Variants in EIF2AK4 observed in about 807,000 individuals in gnomAD.
EIF2AK4 encodes eukaryotic translation initiation factor 2 alpha kinase 4.
In EIF2AK4, 139 loss-of-function variants were observed where a neutral mutation model predicts 211.1. That is an observed-to-expected ratio of 0.66 (90% CI 0.57 to 0.76). The LOEUF (loss-of-function observed/expected upper bound fraction) is 0.76. Among genes scored for constraint, EIF2AK4 ranks in the 30% least tolerant of loss-of-function variants. The pLI, the probability that EIF2AK4 is intolerant of heterozygous loss-of-function variation, is 0.00. For missense variants in EIF2AK4, 1,664 were observed against 2,043.8 expected, an observed-to-expected ratio of 0.81 and a Z score of 3.58; for synonymous variants, 710 against 751.3, an observed-to-expected ratio of 0.94 and a Z score of 0.90.
rs186392666 is a variant in EIF2AK4 at position 40,016,639 on chromosome 15, T to G, written c.3897T>G (p.Val1299=). The G allele has an allele frequency of 6.2e-7, 1 of 1,614,222 alleles. No individual in the cohort carries two copies. Among genetic ancestry groups the G allele is most frequent in the East Asian group, 2.2e-5 (1 of 44,890 alleles). ...KYGLKDLEEV[V]GLLKKLGIKL... ...GCTTAAAAGACCTAGAGGAGGTTGTTGGACTGTTGAAGAAACTCGGCATCA... is the reference window on the plus strand; with the variant it reads ...GCTTAAAAGACCTAGAGGAGGTTGTGGGACTGTTGAAGAAACTCGGCATCA... Residue 1299 remains valine (V), a synonymous_variant, in exon 28 of 39, where the codon GTT becomes GTG. Coordinates refer to ENST00000263791, the MANE Select transcript of EIF2AK4 (RefSeq NM_001013703.4).
At chr15:39,989,457 A>G (rs2034912344) in intron 15 of EIF2AK4, among the ~76,000 whole-genome samples, 2 of 152,226 alleles carry the variant, frequency 1.3e-5, no homozygotes, top group African/African-American at 4.8e-5. Context: ...AATGAGGGCC[A>G]TTTAAGCTGT....
chr15:39,978,069 C>A lies in EIF2AK4; in HGVS notation c.2250-9C>A. On this transcript the variant is annotated splice_polypyrimidine_tract_variant and intron_variant, in intron 12 of 38. Coordinates refer to ENST00000263791, the MANE Select transcript of EIF2AK4 (RefSeq NM_001013703.4). ...CTGTTCCTTTAGTATTTCTGTTTCC[C>A]TTTTTCAGGCCTGCTTCAGATTCTG... 6.3e-7 allele frequency: 1 copy of A among 1,588,962 alleles called. No homozygotes were observed. Among genetic ancestry groups the A allele is most frequent in the Non-Finnish European group, 8.6e-7 (1 of 1,164,202 alleles).
intron 9 of EIF2AK4, among the ~76,000 whole-genome samples, chr15:39,969,658 C>T (rs2034597132): frequency 6.6e-6 from 1 of 152,194 alleles, no homozygotes; most frequent in Non-Finnish European, 1.5e-5. Context: ...TAGCGCATGG[C>T]CTTCTTATTC....
rs187375243 is a variant in EIF2AK4, at chr15:39,984,836, C to G, written c.2320-969C>G. On this transcript the variant is annotated intron_variant, in intron 13 of 38. Coordinates refer to ENST00000263791, the MANE Select transcript of EIF2AK4 (RefSeq NM_001013703.4). ...ACTTCCTCTCTTTCTATTTTAATAC[C>G]CTTTATTTCTTTCTCTTGCCTGATT... Among the ~76,000 whole-genome samples the G allele has an allele frequency of 8.2e-4, 125 of 152,218 alleles. 1 individual carries two copies. The highest frequency in any genetic ancestry group is 3.0e-3 in the African/African-American group (124 of 41,530).
rs1274074024 is a variant in EIF2AK4 at position 40,035,264 on chromosome 15, G to GT, written c.*183dup. On this transcript the variant is annotated 3_prime_UTR_variant, in exon 39 of 39. Coordinates refer to ENST00000263791, the MANE Select transcript of EIF2AK4 (RefSeq NM_001013703.4). Reference sequence around the variant, plus strand: ...GCAGGAAGACTGCTTGAAACCAGGAGTTTGAGACCAGCCTGAGCAACAAAG... The same window carrying GT: ...GCAGGAAGACTGCTTGAAACCAGGAGTTTTGAGACCAGCCTGAGCAACAAAG... The GT allele has an allele frequency of 3.0e-5, 12 of 405,662 alleles. No homozygotes were observed. The highest frequency in any genetic ancestry group is 4.3e-5 in the Non-Finnish European group (10 of 231,690). 25.1% of individuals were successfully genotyped at this position (405,662 alleles called of 1,614,324 possible). A position where few individuals can be genotyped will look rare whatever the true frequency, so the allele number is the denominator to read the frequency against.
In EIF2AK4 at chr15:39,976,505, T is replaced by A; in HGVS notation, c.1910T>A (p.Val637Glu). 6.2e-7 allele frequency: 1 copy of A among 1,612,484 alleles called. No homozygotes were observed. The highest frequency in any genetic ancestry group is 1.3e-5 in the African/African-American group (1 of 74,836). The change falls in exon 12 of 39, where the codon GTG becomes GAG. Residue 637 changes from valine to glutamate, a missense_variant. Coordinates refer to ENST00000263791, the MANE Select transcript of EIF2AK4 (RefSeq NM_001013703.4). ...SRQFRRIKGE[V>E]TLLSRLHHEN... ...CAGTTCCGCAGGATCAAGGGCGAAG[T>A]GACACTGCTGTCACGGCTGCACCAT...
chr15:40,028,045 T>G (rs2035488230), intron 33 of EIF2AK4, among the ~76,000 whole-genome samples: 1 of 151,822 alleles, frequency 6.6e-6, no homozygotes. Context: ...GATCTTAAAT[T>G]ACTTTGTTAA....
At chr15:39,981,981 G>A (rs1243418584) in intron 13 of EIF2AK4, among the ~76,000 whole-genome samples, 3 of 148,246 alleles carry the variant, frequency 2.0e-5, no homozygotes, top group African/African-American at 7.5e-5. Flanking sequence ...CTGGAGTGCA[G>A]TGGCACGATC....
At chr15:39,993,801 G>A (rs1595415728) in intron 18 of EIF2AK4, among the ~76,000 whole-genome samples, 3 of 152,366 alleles carry the variant, frequency 2.0e-5, no homozygotes, top group Middle Eastern at 3.4e-3. Flanking sequence ...TGGCTGCTGC[G>A]AGGAGGCTCT....
intron 5 of EIF2AK4, 129 bp from the exon 6 acceptor site, chr15:39,955,491 T>G (rs1158299102): frequency 3.3e-6 from 3 of 901,968 alleles, no homozygotes; most frequent in Admixed American, 3.4e-5. Flanking sequence ...AAAAGTTAAG[T>G]TCAATTTTAT....
At chr15:39,943,518 C>T (rs947562467) in intron 3 of EIF2AK4, 33 bp downstream of exon 3, 10 of 1,544,582 alleles carry the variant, frequency 6.5e-6, no homozygotes, top group East Asian at 2.3e-5. Context: ...TAAAAGAAGA[C>T]AGTAAACTTC....
At chr15:40,012,228 G>T (rs2035244640) in intron 27 of EIF2AK4, among the ~76,000 whole-genome samples, 1 of 152,114 alleles carries the variant, frequency 6.6e-6, no homozygotes, top group African/African-American at 2.4e-5. Context: ...CAGCTTCTTG[G>T]TTCATATTGG....
rs1006194071 is a variant in EIF2AK4, at chr15:39,990,132, G to C, written c.2527-141G>C. The C allele has an allele frequency of 5.6e-6, 4 of 719,250 alleles. No homozygotes were observed. In the African/African-American group the frequency reaches 7.1e-5, roughly 13 times the overall value. 44.6% of individuals were successfully genotyped at this position (719,250 alleles called of 1,614,324 possible). A position where few individuals can be genotyped will look rare whatever the true frequency, so the allele number is the denominator to read the frequency against. On this transcript the variant is annotated intron_variant, in intron 15 of 38. Coordinates refer to ENST00000263791, the MANE Select transcript of EIF2AK4 (RefSeq NM_001013703.4). ...TAGGACAGTCAGGACATATTGCAGA[G>C]GCCAGACAGCCTGGACCAGGGTGGT...
At chr15:39,980,682 A>G (rs2034769413) in intron 13 of EIF2AK4, among the ~76,000 whole-genome samples, 1 of 152,156 alleles carries the variant, frequency 6.6e-6, no homozygotes, top group Admixed American at 6.5e-5. Context: ...TGAATGCAAC[A>G]ACTTTATTAC....
chr15:40,032,365 C>A, intron 36 of EIF2AK4, 128 bp downstream of exon 36: 1 of 733,124 alleles, frequency 1.4e-6, no homozygotes, highest in Non-Finnish European at 2.3e-6. Flanking sequence ...GTGATGTGAA[C>A]TACACGCAAT....
At position 40,035,160 on chromosome 15, in the gene EIF2AK4, C is replaced by A; in HGVS notation, c.*76C>A. 4.3e-6 allele frequency: 5 copies of A among 1,150,226 alleles called. No homozygotes were observed. The highest frequency in any genetic ancestry group is 1.9e-5 in the South Asian group (1 of 53,844). The allele number at this position is 1,150,226 out of a possible 1,614,324, so 71.3% of individuals were successfully genotyped here. ...GAATAATGGAATGTTGTACATTCATCATAATTTAAAATTAAATTCTAAGAA... is the reference window on the plus strand; with the variant it reads ...GAATAATGGAATGTTGTACATTCATAATAATTTAAAATTAAATTCTAAGAA... On this transcript the variant is annotated 3_prime_UTR_variant, in exon 39 of 39. Transcript: ENST00000263791.
chr15:40,010,372 A>G (rs1192972540), intron 26 of EIF2AK4, among the ~76,000 whole-genome samples: 2 of 151,716 alleles, frequency 1.3e-5, no homozygotes, highest in Non-Finnish European at 2.9e-5. Context: ...CTCATTTACC[A>G]CCTCCTTCCT....
At position 40,022,590 on chromosome 15, in the gene EIF2AK4, A is replaced by G; in HGVS notation, c.4374A>G (p.Glu1458=). ...ITYVALVSDK[E]GSHVKVKSFE... is the part of the protein sequence containing the mutation. The stretch of plus-strand genomic sequence containing the variant: ...ATGTGGCCCTTGTCTCGGATAAAGA[A>G]GGAAGCCATGTCAAGGTAAAGACGT... The change falls in exon 32 of 39, where the codon GAA becomes GAG. Residue 1458 remains glutamate, a synonymous_variant. Transcript: ENST00000263791. 6.2e-7 allele frequency: 1 copy of G among 1,614,210 alleles called. No homozygotes were observed. Among genetic ancestry groups the G allele is most frequent in the South Asian group, 1.1e-5 (1 of 91,090 alleles).
intron 19 of EIF2AK4, 116 bp from the exon 20 acceptor site, chr15:39,998,615 A>T: frequency 5.4e-6 from 4 of 746,530 alleles, no homozygotes; most frequent in Non-Finnish European, 2.3e-6. Flanking sequence ...GGTATCACCT[A>T]TCTTTTCTTG....
Sources: gnomAD v4.1 joint callset for allele counts (sites outside exome capture counted in the v4.1 genomes callset) on GRCh38, gnomAD v4.1.1 for gene constraint, MANE v1.5 for transcripts, NCBI Gene and HGNC (gene_info 2026-07-23, HGNC 2026-07-21) for gene names.